Variants in TAS2R30 observed in about 807,000 individuals in gnomAD.
The protein encoded by TAS2R30 is taste receptor type 2 member 30.
For synonymous variants in TAS2R30, 141 were observed against 131.6 expected, an observed-to-expected ratio of 1.07 and a Z score of -0.49; for missense variants, 395 against 371.6, an observed-to-expected ratio of 1.06 and a Z score of -0.52.
exon 1 of TAS2R30, chr12:11,133,015 C>G: frequency 2.7e-6 from 1 of 376,126 alleles, no homozygotes. Context: ...ATGAAATAAA[C>G]ATGGCTTCAT....
At chr12:11,134,301 T>C (rs1946484438) in exon 1 of TAS2R30, 5 of 1,170,616 alleles carry the variant, frequency 4.3e-6, no homozygotes, top group Middle Eastern at 2.4e-4. Context: ...CTGGTTGTGA[T>C]TGCTTGAATA....
chr12:11,133,324 A>T (rs1946429108), exon 1 of TAS2R30: 1 of 1,613,558 alleles, frequency 6.2e-7, no homozygotes, highest in African/African-American at 1.3e-5. Context: ...ATCTATGGAG[A>T]CGAAGGCTTC....
At chr12:11,134,500 G>T (rs945009594) in exon 1 of TAS2R30, 19 of 463,368 alleles carry the variant, frequency 4.1e-5, no homozygotes, top group African/African-American at 3.6e-4. Context: ...TTCACCATCT[G>T]TTCTTGTTAT....
At chr12:11,133,124 C>CACAG (rs527613432) in exon 1 of TAS2R30, 1 of 787,436 alleles carries the variant, frequency 1.3e-6, no homozygotes, top group Non-Finnish European at 1.8e-6. Context: ...TTTTCATACA[C>CACAG]ACACACACAC....
At chr12:11,133,514 G>GC in the TAS2R30 span, 1 of 1,614,128 alleles carries the variant, frequency 6.2e-7, no homozygotes, top group Non-Finnish European at 8.5e-7. Context: ...TATGATCATG[G>GC]ACAGAAAGTA....
chr12:11,133,523 T>A (rs1029184871), exon 1 of TAS2R30: 1 of 1,614,010 alleles, frequency 6.2e-7, no homozygotes, highest in African/African-American at 1.3e-5. Context: ...GGACAGAAAG[T>A]AAATGGCACA....
exon 1 of TAS2R30, chr12:11,133,574 T>C: frequency 6.2e-7 from 1 of 1,614,254 alleles, no homozygotes; most frequent in Non-Finnish European, 8.5e-7. Flanking sequence ...AGCTTTTATG[T>C]GGACCTTGGT....
At chr12:11,133,035 ATT>A in exon 1 of TAS2R30, 1 of 412,670 alleles carries the variant, frequency 2.4e-6, no homozygotes, top group South Asian at 9.4e-5. Flanking sequence ...TAATTGAGGA[ATT>A]TTTGTCATAT....
At chr12:11,133,724 T>C (rs200095034) in exon 1 of TAS2R30, 1,311 of 1,529,884 alleles carry the variant, frequency 8.6e-4, no homozygotes, top group Non-Finnish European at 1.1e-3. Flanking sequence ...CATATTTGAA[T>C]GGTACATTGC....
exon 1 of TAS2R30, chr12:11,133,730 A>G (rs1253703227): frequency 6.2e-7 from 1 of 1,614,038 alleles, no homozygotes; most frequent in African/African-American, 1.3e-5. Context: ...TGAATGGTAC[A>G]TTGCACTCCT....
chr12:11,134,244 T>C, exon 1 of TAS2R30: 1 of 1,605,894 alleles, frequency 6.2e-7, no homozygotes, highest in Non-Finnish European at 8.5e-7. Context: ...AAAGTTATCA[T>C]GTCTGAACAG....
At position 11,133,679 on chromosome 12, in the gene TAS2R30, G is replaced by A. The variant is rs749984347; in HGVS notation, c.566C>T (p.Thr189Ile). 18 of 1,614,126 alleles carry A rather than the reference G, an allele frequency of 1.1e-5. No individual in the cohort carries two copies. In the African/African-American group the frequency reaches 2.3e-4, roughly 20 times the overall value. The change falls in exon 1 of 1, where the codon ACT becomes ATT. Residue 189 changes from threonine to isoleucine, a missense_variant. Transcript: ENST00000539585. ...CAGCAGAAAAGATATCAGGGTCAGAGTGAGGGGTACAAAGTTTGCTAGCAT... is the reference window on the plus strand; with the variant it reads ...CAGCAGAAAAGATATCAGGGTCAGAATGAGGGGTACAAAGTTTGCTAGCAT...
chr12:11,133,499 A>G lies in TAS2R30; in HGVS notation c.746T>C (p.Val249Ala), dbSNP rs753720978. 1.7e-4 allele frequency: 282 copies of G among 1,614,020 alleles called. No individual in the cohort carries two copies. The highest frequency in any genetic ancestry group is 4.8e-4 in the Admixed American group (29 of 59,996). Residue 249 changes from valine (V) to alanine (A), a missense_variant, in exon 1 of 1, where the codon GTT becomes GCT. Coordinates refer to ENST00000539585, the Ensembl canonical transcript of TAS2R30. The stretch of plus-strand genomic sequence containing the variant: ...CTTTTCCAGCCTCCCAAAATTACAA[A>G]CTGATATGATCATGGACAGAAAGTA...
At chr12:11,134,288 T>C (rs755900685) in exon 1 of TAS2R30, 1 of 1,525,904 alleles carries the variant, frequency 6.6e-7, no homozygotes, top group South Asian at 1.3e-5. Flanking sequence ...TGGTGTAATA[T>C]CACTGGTTGT....
chr12:11,133,355 AC>A, the TAS2R30 span: 1 of 1,613,826 alleles, frequency 6.2e-7, no homozygotes, highest in East Asian at 2.2e-5. Context: ...CCAGTACCTC[AC>A]ATGCCGCAAA....
At chr12:11,134,307 G>C in exon 1 of TAS2R30, 2 of 1,428,644 alleles carry the variant, frequency 1.4e-6, no homozygotes, top group Non-Finnish European at 1.9e-6. Context: ...GTGATTGCTT[G>C]AATATCCTGA....
chr12:11,134,032 C>T (rs758536172), exon 1 of TAS2R30: 1 of 1,614,074 alleles, frequency 6.2e-7, no homozygotes, highest in Admixed American at 1.7e-5. Context: ...AAGCTGGATT[C>T]AACTGAGTTG....
exon 1 of TAS2R30, chr12:11,133,959 T>C (rs2136372842): frequency 6.2e-7 from 1 of 1,614,152 alleles, no homozygotes; most frequent in East Asian, 2.2e-5. Context: ...GCAAGCCAGC[T>C]GCTGAAATGG....
At chr12:11,133,947 T>A (rs748299614) in exon 1 of TAS2R30, 5 of 1,614,132 alleles carry the variant, frequency 3.1e-6, no homozygotes, top group Non-Finnish European at 4.2e-6. Context: ...CTGAGGCTAG[T>A]AGCAAGCCAG....
Sources: gnomAD v4.1 joint callset for allele counts on GRCh38, gnomAD v4.1.1 for gene constraint, MANE v1.5 for transcripts, NCBI Gene and HGNC (gene_info 2026-07-23, HGNC 2026-07-21) for gene names.